Variants in CPSF4 observed in about 807,000 individuals in gnomAD.
CPSF4 encodes cleavage and polyadenylation specificity factor subunit 4.
In CPSF4, 11 loss-of-function variants were observed where a neutral mutation model predicts 37.7. The ratio of observed to expected loss-of-function variants is 0.29; its 90% CI spans 0.18 to 0.48. CPSF4 has a LOEUF of 0.48. CPSF4 is among the 20% of genes least tolerant of loss of function. The probability of loss-of-function intolerance (pLI) is 0.99; values close to 1 mark genes in which losing one functional copy is unlikely to be tolerated. For missense variants in CPSF4, 144 were observed against 359.5 expected, an observed-to-expected ratio of 0.40 and a Z score of 4.85; for synonymous variants, 132 against 135.9, an observed-to-expected ratio of 0.97 and a Z score of 0.20.
At chr7:99,451,018 A>G in intron 5 of CPSF4, 1 of 513,742 alleles carries the variant, frequency 1.9e-6, no homozygotes, top group South Asian at 2.9e-5. Flanking sequence ...TTCTTGGGTC[A>G]TGGGCCATCT....
At chr7:99,452,230 G>C (rs1446830175) in intron 5 of CPSF4, 138 bp from the exon 6 acceptor site, 15 of 754,130 alleles carry the variant, frequency 2.0e-5, no homozygotes, top group Non-Finnish European at 3.2e-5. Context: ...CATGCAGCTT[G>C]TGTCAGTCAC....
chr7:99,446,576 A>C (rs918565476), intron 2 of CPSF4, among the ~76,000 whole-genome samples: 4 of 149,830 alleles, frequency 2.7e-5, no homozygotes, highest in African/African-American at 7.4e-5. Flanking sequence ...TATACATCAC[A>C]TTTCCTCAAT....
intron 1 of CPSF4, among the ~76,000 whole-genome samples, chr7:99,441,982 G>A (rs535043349): frequency 1.3e-5 from 2 of 152,222 alleles, no homozygotes; most frequent in East Asian, 3.9e-4. Flanking sequence ...GTGAGTCACC[G>A]CACCTGGCCA....
At chr7:99,449,181 T>G (rs1584504993) in intron 3 of CPSF4, 1 of 152,468 alleles carries the variant, frequency 6.6e-6, no homozygotes, top group Admixed American at 6.5e-5. Flanking sequence ...TGCTTCATGC[T>G]TTCAAAGCAC....
At chr7:99,450,676 A>G (rs1797866948) in intron 4 of CPSF4, 26 bp from the exon 5 acceptor site, 1 of 1,574,098 alleles carries the variant, frequency 6.4e-7, no homozygotes, top group Non-Finnish European at 8.7e-7. Context: ...GGGGACATCT[A>G]AGTGACCGGA....
Position 99,453,821 on chromosome 7 carries a change from G to A in CPSF4, c.571-145G>A, listed in dbSNP as rs1384854673. 5.8e-6 allele frequency: 4 copies of A among 687,548 alleles called. No individual in the cohort carries two copies. Among genetic ancestry groups the A allele is most frequent in the Admixed American group, 2.6e-5 (1 of 39,080 alleles). The allele number at this position is 687,548 out of a possible 1,614,324, so 42.6% of individuals were successfully genotyped here. On this transcript the variant is annotated intron_variant, in intron 6 of 7. Coordinates refer to ENST00000292476, the MANE Select transcript of CPSF4 (RefSeq NM_006693.4). This position sits in a 1 kb window ranked among gnomAD's most constrained non-coding sequence, Gnocchi z 4.7. Reference sequence around the variant, plus strand: ...CATCATCACCACATGTTTCTCTGCTGCCCACTGTCCTGAGGTGGGCCGTCG... The same window carrying A: ...CATCATCACCACATGTTTCTCTGCTACCCACTGTCCTGAGGTGGGCCGTCG...
chr7:99,446,640 C>T (rs1394631000), intron 2 of CPSF4, among the ~76,000 whole-genome samples: 4 of 151,076 alleles, frequency 2.6e-5, no homozygotes, highest in African/African-American at 7.3e-5. Context: ...CAGCATCTTA[C>T]TCTGTCACCC....
chr7:99,447,016 C>T (rs1797561342), intron 2 of CPSF4, among the ~76,000 whole-genome samples: 2 of 151,562 alleles, frequency 1.3e-5, no homozygotes, highest in Admixed American at 1.3e-4. Context: ...GTCTCGAACT[C>T]CTGACCTCAG....
chr7:99,441,374 C>G (rs909434626), intron 1 of CPSF4: 7 of 455,840 alleles, frequency 1.5e-5, no homozygotes, highest in African/African-American at 8.0e-5. Context: ...GGTACAGTGG[C>G]GAGGGGCCCA....
chr7:99,452,509 A>C (rs555267072), intron 6 of CPSF4, 69 bp downstream of exon 6: 3 of 1,422,464 alleles, frequency 2.1e-6, no homozygotes, highest in Non-Finnish European at 3.0e-6. Context: ...AGTGTCCCCC[A>C]GGGGTGTGGT....
chr7:99,452,509 A>G, intron 6 of CPSF4, 69 bp downstream of exon 6: 2 of 1,422,582 alleles, frequency 1.4e-6, no homozygotes, highest in Non-Finnish European at 2.0e-6. Context: ...AGTGTCCCCC[A>G]GGGGTGTGGT....
rs1055367611 is a variant in CPSF4 at position 99,456,586 on chromosome 7, C to T, written c.*86C>T. ...CTGTTTCATGCGCTTGTTGGCGCGA[C>T]TGTGGCTCGAGCTGGCCCGCAGACA... On this transcript the variant is annotated 3_prime_UTR_variant, in exon 8 of 8. Coordinates refer to ENST00000292476, the MANE Select transcript of CPSF4 (RefSeq NM_006693.4). 1.5e-5 allele frequency: 17 copies of T among 1,162,312 alleles called. No homozygotes were observed. The highest frequency in any genetic ancestry group is 1.8e-5 in the Non-Finnish European group (14 of 785,590). The allele number at this position is 1,162,312 out of a possible 1,614,324, so 72.0% of individuals were successfully genotyped here.
intron 1 of CPSF4, among the ~76,000 whole-genome samples, chr7:99,444,153 G>T (rs1167115678): frequency 6.6e-6 from 1 of 151,988 alleles, no homozygotes; most frequent in Non-Finnish European, 1.5e-5. Flanking sequence ...GTGAGCTAGG[G>T]GCCGTTAATT....
chr7:99,456,284 T>G (rs1417576097), intron 7 of CPSF4, 148 bp from the exon 8 acceptor site: 5 of 701,476 alleles, frequency 7.1e-6, no homozygotes, highest in Non-Finnish European at 1.3e-5. Context: ...TGAAAGAAAC[T>G]CTGTACCACT....
At position 99,450,337 on chromosome 7, in the gene CPSF4, C is replaced by T; in HGVS notation, c.369C>T (p.Asp123=). The change falls in exon 4 of 8, where the codon GAC becomes GAT. Residue 123 remains aspartate, a synonymous_variant. Coordinates refer to ENST00000292476, the MANE Select transcript of CPSF4 (RefSeq NM_006693.4). ...TCGACCCCGAGTCCAAGATCAAGGA[C>T]TGTCCTTGGTATGACCGTGGCTTCT... is the stretch of plus-strand genomic sequence containing the variant. The part of the protein sequence containing the change: ...LHIDPESKIK[D]CPWYDRGFCK... 1 of 1,613,902 alleles carries T rather than the reference C, an allele frequency of 6.2e-7. No individual in the cohort carries two copies. The highest frequency in any genetic ancestry group is 8.5e-7 in the Non-Finnish European group (1 of 1,179,886).
chr7:99,443,460 G>A (rs1797202075), intron 1 of CPSF4: 1 of 1,049,356 alleles, frequency 9.5e-7, no homozygotes, highest in East Asian at 2.4e-5. Flanking sequence ...AGTTTAGCAA[G>A]CTTCAGCTTA....
In CPSF4 at chr7:99,438,962, C is replaced by T; in HGVS notation, c.-121C>T. On this transcript the variant is annotated 5_prime_UTR_variant, in exon 1 of 8. Coordinates refer to ENST00000292476, the MANE Select transcript of CPSF4 (RefSeq NM_006693.4). ...GCTCCCGGCATCCCTCGGGCGGCGG[C>T]GGCGGCGGCGGCGAGGCGAAGCGAA... is the stretch of plus-strand genomic sequence containing the variant. 1 of 1,327,158 alleles carries T rather than the reference C, an allele frequency of 7.5e-7. No homozygotes were observed. Among genetic ancestry groups the T allele is most frequent in the Non-Finnish European group, 9.7e-7 (1 of 1,033,680 alleles). The allele number at this position is 1,327,158 out of a possible 1,614,324, so 82.2% of individuals were successfully genotyped here. A position where few individuals can be genotyped will look rare whatever the true frequency, so the allele number is the denominator to read the frequency against.
intron 7 of CPSF4, among the ~76,000 whole-genome samples, chr7:99,455,572 G>A (rs949962835): frequency 1.3e-5 from 2 of 152,228 alleles, no homozygotes; most frequent in African/African-American, 2.4e-5. Context: ...AAGAGTGTTG[G>A]GTGCCAACTG....
intron 1 of CPSF4, among the ~76,000 whole-genome samples, chr7:99,440,047 T>A (rs146312866): frequency 6.6e-6 from 1 of 152,212 alleles, no homozygotes; most frequent in Non-Finnish European, 1.5e-5. Context: ...TAGTTTTCTT[T>A]GTGTCTTCTT....
Sources: gnomAD v4.1 joint callset for allele counts (sites outside exome capture counted in the v4.1 genomes callset) on GRCh38, gnomAD v4.1.1 for gene constraint, Gnocchi (gnomAD v3.1) non-coding constraint, MANE v1.5 for transcripts, NCBI Gene and HGNC (gene_info 2026-07-23, HGNC 2026-07-21) for gene names.